PMFBP1: variants seen among roughly 807,000 people sequenced by gnomAD.
PMFBP1 encodes polyamine modulated factor 1 binding protein 1.
Under a neutral mutation model 137.8 loss-of-function variants are expected in PMFBP1, and 131 were observed. The observed-to-expected ratio is 0.95, with a 90% confidence interval of 0.82 to 1.10. The LOEUF is 1.10. PMFBP1 is among the 50% of genes least tolerant of loss of function. The probability of loss-of-function intolerance (pLI) is 0.00; values close to 1 mark genes in which losing one functional copy is unlikely to be tolerated. For synonymous variants in PMFBP1, 490 were observed against 450.4 expected, an observed-to-expected ratio of 1.09 and a Z score of -1.11; for missense variants, 1,199 against 1,175.4, an observed-to-expected ratio of 1.02 and a Z score of -0.29.
intron 5 of PMFBP1, among the ~76,000 whole-genome samples, chr16:72,145,512 A>G (rs554690346): frequency 6.6e-6 from 1 of 152,284 alleles, no homozygotes; most frequent in African/African-American, 2.4e-5. Context: ...CTAGCAGAAG[A>G]CAAGAAATAA....
In PMFBP1 at chr16:72,128,744, T is replaced by G. The variant is rs1395125304; in HGVS notation, c.2001A>C (p.Ala667=). 1 of 1,614,232 alleles carries G rather than the reference T, an allele frequency of 6.2e-7. No homozygotes were observed. The highest frequency in any genetic ancestry group is 8.5e-7 in the Non-Finnish European group (1 of 1,180,042). ...KLEEENENLR[A]ELQCCSTQLE... ...GTTGTGTAGAACAACACTGTAGCTC[T>G]GCTCGGAGATTCTCATTTTCTTCCT... is the stretch of plus-strand genomic sequence containing the variant. The change falls in exon 14 of 21, where the codon GCA becomes GCC. Residue 667 remains alanine (A), a synonymous_variant. Coordinates refer to ENST00000237353, the MANE Select transcript of PMFBP1 (RefSeq NM_031293.3).
At chr16:72,140,758 G>A (rs2144351623) in intron 5 of PMFBP1, among the ~76,000 whole-genome samples, 176 bp from the exon 6 acceptor site, 1 of 152,088 alleles carries the variant, frequency 6.6e-6, no homozygotes, top group East Asian at 1.9e-4. Flanking sequence ...ATGTTAAAAA[G>A]TCCAAATGGT....
At chr16:72,167,991 T>C (rs2043169425) in intron 2 of PMFBP1, among the ~76,000 whole-genome samples, 1 of 152,226 alleles carries the variant, frequency 6.6e-6, no homozygotes, top group South Asian at 2.1e-4. Context: ...GACAGCCCAA[T>C]TCTTTTGCAC....
chr16:72,242,740 A>C, the PMFBP1 span, among the ~76,000 whole-genome samples: 1 of 152,244 alleles, frequency 6.6e-6, no homozygotes, highest in Non-Finnish European at 1.5e-5. Context: ...GATGGATGAA[A>C]GGGGAAAATA....
the PMFBP1 span, among the ~76,000 whole-genome samples, chr16:72,218,336 C>CT: frequency 1.7e-4 from 26 of 150,468 alleles, no homozygotes; most frequent in South Asian, 6.3e-4. Flanking sequence ...AATACTTAAA[C>CT]TTTTTTTTTT....
chr16:72,224,898 G>T, the PMFBP1 span: 1 of 152,118 alleles, frequency 6.6e-6, no homozygotes, highest in Non-Finnish European at 1.5e-5. Flanking sequence ...ATCCCACACA[G>T]AATTTGTACT....
At chr16:72,179,036 C>G (rs146815146), upstream of PMFBP1, among the ~76,000 whole-genome samples, 185 of 152,328 alleles carry the variant, frequency 1.2e-3, no homozygotes, top group Admixed American at 4.0e-3. Flanking sequence ...AGACTCTTGT[C>G]TTAAGAAAAG....
intron 19 of PMFBP1, 147 bp downstream of exon 19, chr16:72,122,767 T>G (rs35909200): frequency 0.15 from 99,344 of 654,560 alleles, 9,409 homozygotes; most frequent in African/African-American, 0.34. Flanking sequence ...GTCACATAGA[T>G]GCAGATTCGA....
intron 14 of PMFBP1, 139 bp downstream of exon 14, chr16:72,128,518 A>G (rs2042495838): frequency 1.9e-6 from 3 of 1,563,870 alleles, no homozygotes; most frequent in Non-Finnish European, 2.6e-6. Context: ...GGAGGGAAGT[A>G]GAGCTGTAGG....
the PMFBP1 span, among the ~76,000 whole-genome samples, chr16:72,211,460 A>G: frequency 6.6e-6 from 1 of 152,186 alleles, no homozygotes; most frequent in Non-Finnish European, 1.5e-5. Flanking sequence ...CCCACTCCCA[A>G]AGAAAATGCT....
chr16:72,217,327 CTG>C, the PMFBP1 span, among the ~76,000 whole-genome samples: 1 of 152,142 alleles, frequency 6.6e-6, no homozygotes, highest in African/African-American at 2.4e-5. Flanking sequence ...ACACAGTACT[CTG>C]TTGTAATTTC....
intron 2 of PMFBP1, among the ~76,000 whole-genome samples, chr16:72,170,017 C>G (rs1275388236): frequency 1.5e-5 from 2 of 134,552 alleles, no homozygotes; most frequent in African/African-American, 5.4e-5. Flanking sequence ...TTATTGGCAC[C>G]TGGGCAATTT....
chr16:72,150,274 G>C (rs2042881652), intron 5 of PMFBP1, among the ~76,000 whole-genome samples: 1 of 152,118 alleles, frequency 6.6e-6, no homozygotes, highest in Non-Finnish European at 1.5e-5. Flanking sequence ...AGCAGGGTTG[G>C]GCAGAGGGAG....
At chr16:72,166,662 T>C (rs2144511594) in intron 2 of PMFBP1, among the ~76,000 whole-genome samples, 1 of 152,284 alleles carries the variant, frequency 6.6e-6, no homozygotes, top group Admixed American at 6.5e-5. Context: ...CTGTGGTCAG[T>C]AATTTTAGCC....
At position 72,154,425 on chromosome 16, in the gene PMFBP1, TC is replaced by T. The variant is rs1389148672; in HGVS notation, c.199del (p.Glu67SerfsTer14). The T allele has an allele frequency of 6.2e-7, 1 of 1,614,042 alleles. No homozygotes were observed. Among genetic ancestry groups the T allele is most frequent in the African/African-American group, 1.3e-5 (1 of 74,936 alleles). ...ACTGGACCCAAATTCCACCTCTGAC[TC>T]CTCGAATGCTAATGCCTGTGCTTGC... ...KKQAQALAFEESEVEFGSSKQ... is the reference protein window; with the variant it reads ...KKQAQALAFEXSEVEFGSSKQ... On this transcript the variant is annotated frameshift_variant, in exon 4 of 21. Coordinates refer to ENST00000237353, the MANE Select transcript of PMFBP1 (RefSeq NM_031293.3). LOFTEE classifies it high-confidence loss of function.
At chr16:72,129,027 G>A in intron 13 of PMFBP1, 39 bp downstream of exon 13, 1 of 1,604,220 alleles carries the variant, frequency 6.2e-7, no homozygotes, top group Non-Finnish European at 8.5e-7. Context: ...GTCCCGCTCT[G>A]GATTCCTGAC....
At chr16:72,171,593 T>C in intron 1 of PMFBP1, 1 of 229,218 alleles carries the variant, frequency 4.4e-6, no homozygotes, top group Non-Finnish European at 8.8e-6. Context: ...CAGATATAGC[T>C]AATATTATGT....
chr16:72,243,751 G>A, the PMFBP1 span, among the ~76,000 whole-genome samples: 1 of 152,130 alleles, frequency 6.6e-6, no homozygotes, highest in South Asian at 2.1e-4. Flanking sequence ...CTCTGAGTAG[G>A]GAGAAAGAGA....
At chr16:72,226,707 AAAAC>A in the PMFBP1 span, among the ~76,000 whole-genome samples, 264 of 152,306 alleles carry the variant, frequency 1.7e-3, 1 homozygote, top group African/African-American at 5.8e-3. Context: ...TTGAAATGAT[AAAAC>A]AAACAAACAA....
Sources: gnomAD v4.1 joint callset for allele counts (sites outside exome capture counted in the v4.1 genomes callset) on GRCh38, gnomAD v4.1.1 for gene constraint, MANE v1.5 for transcripts, NCBI Gene and HGNC (gene_info 2026-07-23, HGNC 2026-07-21) for gene names.